PATL1: variants seen among roughly 807,000 people sequenced by gnomAD.
The protein encoded by PATL1 is protein PAT1 homolog 1.
PATL1 carries 32 observed loss-of-function variants against 100.6 expected under a neutral mutation model. That is an observed-to-expected ratio of 0.32 (90% CI 0.24 to 0.43). The LOEUF is 0.43. Ranked by LOEUF, PATL1 falls within the 20% of genes least tolerant of loss-of-function variation. The probability of loss-of-function intolerance (pLI) is 1.00; values close to 1 mark genes in which losing one functional copy is unlikely to be tolerated. For missense variants in PATL1, 747 were observed against 949.9 expected, an observed-to-expected ratio of 0.79 and a Z score of 2.81; for synonymous variants, 332 against 330.0, an observed-to-expected ratio of 1.01 and a Z score of -0.07.
intron 3 of PATL1, 40 bp from the exon 4 acceptor site, chr11:59,658,986 A>C (rs1270290881): frequency 6.7e-7 from 1 of 1,498,956 alleles, no homozygotes; most frequent in South Asian, 1.2e-5. Context: ...GAAATGTTGT[A>C]TACTCTCTGG....
At chr11:59,654,200 G>C in intron 8 of PATL1, 128 bp from the exon 9 acceptor site, 1 of 784,038 alleles carries the variant, frequency 1.3e-6, no homozygotes, top group East Asian at 2.7e-5. Flanking sequence ...ATTCGGGATG[G>C]GTGCGGTGAC....
chr11:59,647,746 A>G lies in PATL1; in HGVS notation c.1893+8T>C, dbSNP rs1463651646. The stretch of plus-strand genomic sequence containing the variant: ...TCAAAAGAAAGATGTCCCATCTTGC[A>G]TAGTCACCTCATCTTGTGCATCCTT... On this transcript the variant is annotated splice_region_variant and intron_variant, in intron 15 of 18. Coordinates refer to ENST00000300146, the MANE Select transcript of PATL1 (RefSeq NM_152716.3). 8.7e-6 allele frequency: 14 copies of G among 1,613,630 alleles called. No homozygotes were observed. Among genetic ancestry groups the G allele is most frequent in the Admixed American group, 8.3e-5 (5 of 59,994 alleles).
At position 59,656,586 on chromosome 11, in the gene PATL1, C is replaced by G; in HGVS notation, c.636G>C (p.Lys212Asn). 1.9e-6 allele frequency: 3 copies of G among 1,613,902 alleles called. No individual in the cohort carries two copies. Among genetic ancestry groups the G allele is most frequent in the Non-Finnish European group, 1.7e-6 (2 of 1,179,818 alleles). Residue 212 changes from lysine to asparagine, a missense_variant, in exon 6 of 19, where the codon AAG (lysine) becomes AAC (asparagine). Physicochemically the swap from Lys to Asn is moderately conservative, Grantham distance 94. Coordinates refer to ENST00000300146, the MANE Select transcript of PATL1 (RefSeq NM_152716.3). ...GCATTGGGGGCCGAACATGGACAGG[C>G]TTCGGACACAGAATCTATCAGGACA... Reference protein sequence around the residue: ...PSFTQQILCPKPVHVRPPMPP... With the variant: ...PSFTQQILCPNPVHVRPPMPP...
Position 59,659,331 on chromosome 11 carries a change from C to T in PATL1, c.266G>A (p.Arg89Lys), listed in dbSNP as rs759916812. 1 of 1,551,290 alleles carries T rather than the reference C, an allele frequency of 6.4e-7. No individual in the cohort carries two copies. Among genetic ancestry groups the T allele is most frequent in the South Asian group, 1.2e-5 (1 of 84,054 alleles). ...LGDHEENLAE[R>K]LSKMVIENEL... ...ATTTTCAATCACCATCTTACTGAGCCTTTCTGCCAGATTCTCCTCATGGTC... is the reference window on the plus strand; with the variant it reads ...ATTTTCAATCACCATCTTACTGAGCTTTTCTGCCAGATTCTCCTCATGGTC... Residue 89 changes from arginine to lysine, a missense_variant, in exon 3 of 19, where the codon AGG (arginine) becomes AAG (lysine). This residue lies in a region of PATL1 where 183 missense variants were observed against 221.2 expected (regional missense o/e 0.83). Coordinates refer to ENST00000300146, the MANE Select transcript of PATL1 (RefSeq NM_152716.3).
chr11:59,654,740 T>C (rs1861501143), intron 8 of PATL1, among the ~76,000 whole-genome samples: 1 of 152,186 alleles, frequency 6.6e-6, no homozygotes, highest in African/African-American at 2.4e-5. Context: ...ACAGTTAATA[T>C]GGCTAGGCCT....
At chr11:59,640,342 CAAAAA>C (rs1197181788) in intron 16 of PATL1, among the ~76,000 whole-genome samples, 1 of 89,642 alleles carries the variant, frequency 1.1e-5, no homozygotes, top group Admixed American at 1.2e-4. Flanking sequence ...ACTCCATCTC[CAAAAA>C]AAAAAAAAAA....
At position 59,637,420 on chromosome 11, in the gene PATL1, T is replaced by C. The variant is rs1192549216; in HGVS notation, c.*970A>G. 6.6e-6 allele frequency: 1 copy of C among 152,604 alleles called. No individual in the cohort carries two copies. The highest frequency in any genetic ancestry group is 1.5e-5 in the Non-Finnish European group (1 of 68,062). 9.5% of individuals were successfully genotyped at this position (152,604 alleles called of 1,614,324 possible). A position where few individuals can be genotyped will look rare whatever the true frequency, so the allele number is the denominator to read the frequency against. ...GGTTACATTTGGAAGTTTCTATTCA[T>C]GACACCAAATAAAAGTGGGGAAGAA... On this transcript the variant is annotated 3_prime_UTR_variant, in exon 19 of 19. Transcript: ENST00000300146.
chr11:59,641,573 C>A (rs986784486), intron 16 of PATL1, among the ~76,000 whole-genome samples: 1 of 151,882 alleles, frequency 6.6e-6, no homozygotes, highest in Admixed American at 6.6e-5. Context: ...GACAACATGG[C>A]GAAACCCCAC....
At chr11:59,650,958 T>C (rs1861436018) in intron 12 of PATL1, 145 bp from the exon 13 acceptor site, 5 of 611,804 alleles carry the variant, frequency 8.2e-6, no homozygotes, top group Non-Finnish European at 1.4e-5. Flanking sequence ...AACCCTAGTA[T>C]GAACAAAGGT....
intron 18 of PATL1, 121 bp from the exon 19 acceptor site, chr11:59,638,532 C>CTA (rs769738834): frequency 4.3e-6 from 4 of 936,820 alleles, no homozygotes; most frequent in Non-Finnish European, 6.7e-6. Context: ...GATTATTTCT[C>CTA]TACCCTTAGC....
intron 15 of PATL1, among the ~76,000 whole-genome samples, chr11:59,644,207 A>G (rs1050828305): frequency 6.6e-6 from 1 of 152,200 alleles, no homozygotes; most frequent in African/African-American, 2.4e-5. Flanking sequence ...CATTTTGCCA[A>G]TCTTATTAAA....
chr11:59,643,035 C>T lies in PATL1; in HGVS notation c.1894G>A (p.Val632Met), dbSNP rs1861309887. Residue 632 changes from valine to methionine, a missense_variant and splice_region_variant, in exon 16 of 19, where the codon GTG becomes ATG. Around this residue, in one of 4 missense-constraint regions of PATL1, gnomAD observed 434 missense variants for 596.1 expected, o/e 0.73. Coordinates refer to ENST00000300146, the MANE Select transcript of PATL1 (RefSeq NM_152716.3). ...FLIKKDAQDE[V>M]LPCLLSPFSL... ...AAGGGACTCAGTAAGCATGGCAGCA[C>T]CTACAAAAAACAAATAAAAGCATTA... 1 of 1,613,066 alleles carries T rather than the reference C, an allele frequency of 6.2e-7. No individual in the cohort carries two copies. Among genetic ancestry groups the T allele is most frequent in the African/African-American group, 1.3e-5 (1 of 74,840 alleles).
rs1004998998 is a variant in PATL1 at position 59,650,669 on chromosome 11, T to C, written c.1584+85A>G. 8 of 910,168 alleles carry C rather than the reference T, an allele frequency of 8.8e-6. No homozygotes were observed. In the African/African-American group the frequency reaches 1.0e-4, roughly 12 times the overall value. The allele number at this position is 910,168 out of a possible 1,614,324, so 56.4% of individuals were successfully genotyped here. ...ATTAAAACCAAAGAACATTGACTGA[T>C]TGCTCACTGTTTCAGTTCTAGTATA... On this transcript the variant is annotated intron_variant, in intron 13 of 18. Coordinates refer to ENST00000300146, the MANE Select transcript of PATL1 (RefSeq NM_152716.3).
At position 59,657,490 on chromosome 11, in the gene PATL1, T is replaced by G; in HGVS notation, c.621+40A>C. On this transcript the variant is annotated intron_variant, in intron 5 of 18. Coordinates refer to ENST00000300146, the MANE Select transcript of PATL1 (RefSeq NM_152716.3). ...ATTTTCCAAATAATTTTGCCCAGAT[T>G]CCCAATATCCTGGGCTGTGTGCTTG... 1.4e-6 allele frequency: 2 copies of G among 1,432,814 alleles called. 1 individual carries two copies. Among genetic ancestry groups the G allele is most frequent in the Non-Finnish European group, 1.9e-6 (2 of 1,074,060 alleles). 88.8% of individuals were successfully genotyped at this position (1,432,814 alleles called of 1,614,324 possible). A position where few individuals can be genotyped will look rare whatever the true frequency, so the allele number is the denominator to read the frequency against.
intron 15 of PATL1, among the ~76,000 whole-genome samples, chr11:59,645,091 T>C (rs1015184325): frequency 5.0e-4 from 71 of 141,840 alleles, no homozygotes; most frequent in African/African-American, 1.8e-3. Context: ...GAGCACAGGG[T>C]TGGGGGTAAG....
At chr11:59,668,655 G>A (rs1029688687) in intron 1 of PATL1, among the ~76,000 whole-genome samples, 3 of 152,168 alleles carry the variant, frequency 2.0e-5, no homozygotes, top group East Asian at 1.9e-4. Context: ...CAAAACGGAG[G>A]CCAACTTTCC....
intron 5 of PATL1, chr11:59,657,145 G>C: frequency 1.0e-6 from 1 of 984,660 alleles, no homozygotes. Context: ...GAACAGGACT[G>C]CACAGGCTCT....
At chr11:59,668,811 G>A in intron 1 of PATL1, 70 bp downstream of exon 1, 2 of 825,676 alleles carry the variant, frequency 2.4e-6, no homozygotes, top group East Asian at 3.4e-5. Context: ...CAGGACCGGC[G>A]CGCGGAGAGA....
chr11:59,655,090 C>T (rs1049959732), intron 8 of PATL1, among the ~76,000 whole-genome samples: 10 of 152,278 alleles, frequency 6.6e-5, no homozygotes, highest in African/African-American at 2.2e-4. Context: ...TCTATAATCA[C>T]GAGCCAATTT....
Sources: allele counts gnomAD v4.1 joint callset (sites outside exome capture counted in the v4.1 genomes callset), GRCh38; gene constraint gnomAD v4.1.1; regional missense constraint gnomAD v4.1.1; transcripts MANE v1.5; gene names NCBI Gene and HGNC (gene_info 2026-07-23, HGNC 2026-07-21).